The following PKNOX2 variants were observed in gnomAD, a reference collection of about 807,000 sequenced individuals.
PKNOX2 encodes the protein PBX/knotted 1 homeobox 2, also known as homeobox protein PKNOX2.
In PKNOX2, 14 loss-of-function variants were observed where a neutral mutation model predicts 53.1. The ratio of observed to expected loss-of-function variants is 0.26; its 90% CI spans 0.17 to 0.41. The LOEUF (loss-of-function observed/expected upper bound fraction) is 0.41, where lower values mean the gene tolerates loss of function less well. PKNOX2 is among the 10% of genes least tolerant of loss of function. The pLI, the probability that PKNOX2 is intolerant of heterozygous loss-of-function variation, is 1.00. For missense variants in PKNOX2, 496 were observed against 602.8 expected (o/e 0.82, Z 1.85); for synonymous variants, 257 against 242.8 (o/e 1.06, Z -0.54).
At chr11:125,286,920 G>T (rs1946942477) in intron 2 of PKNOX2, among the ~76,000 whole-genome samples, 1 of 152,148 alleles carries the variant, frequency 6.6e-6, no homozygotes, top group African/African-American at 2.4e-5. Context: ...GGTTCTTCTT[G>T]GCCTTCTCAA....
intron 3 of PKNOX2, among the ~76,000 whole-genome samples, chr11:125,338,549 C>T (rs528509775): frequency 6.6e-6 from 1 of 152,288 alleles, no homozygotes; most frequent in Admixed American, 6.5e-5. Flanking sequence ...AGACATCTCA[C>T]ATGCAGCACC....
At chr11:125,380,329 A>C (rs538684997) in intron 5 of PKNOX2, among the ~76,000 whole-genome samples, 1 of 152,306 alleles carries the variant, frequency 6.6e-6, no homozygotes, top group Non-Finnish European at 1.5e-5. Context: ...ACGAGGCTCA[A>C]ACGCTCACTG....
intron 1 of PKNOX2, among the ~76,000 whole-genome samples, chr11:125,191,638 G>C (rs1291731640): frequency 6.6e-6 from 1 of 152,134 alleles, no homozygotes; most frequent in Admixed American, 6.5e-5. Flanking sequence ...GGGAAGTTGT[G>C]GTGGGGCGTG....
intron 2 of PKNOX2, among the ~76,000 whole-genome samples, chr11:125,278,959 G>A (rs2135836393): frequency 6.6e-6 from 1 of 152,302 alleles, no homozygotes; most frequent in East Asian, 1.9e-4. Flanking sequence ...GCTGGCGGAT[G>A]TCCGTTTTCC....
intron 10 of PKNOX2, among the ~76,000 whole-genome samples, chr11:125,423,539 G>A (rs531108647): frequency 6.2e-4 from 95 of 152,312 alleles, no homozygotes; most frequent in African/African-American, 2.2e-3. Context: ...CGAAGGCCCC[G>A]TGTTCGTTCA....
chr11:125,288,674 C>A (rs1947083555), intron 2 of PKNOX2, among the ~76,000 whole-genome samples: 1 of 152,204 alleles, frequency 6.6e-6, no homozygotes. Flanking sequence ...GTAGGAAGCA[C>A]TGCTGACCAC....
chr11:125,215,616 G>A (rs1013759830), intron 1 of PKNOX2, among the ~76,000 whole-genome samples: 5 of 152,048 alleles, frequency 3.3e-5, no homozygotes, highest in African/African-American at 9.7e-5. Flanking sequence ...GCCAGGCATA[G>A]TGGTGTGCAC....
At position 125,338,032 on chromosome 11, in the gene PKNOX2, G is replaced by C. The variant is rs571722344; in HGVS notation, c.-23+6107G>C. Among the ~76,000 whole-genome samples the C allele has an allele frequency of 2.9e-4, 44 of 152,288 alleles. No homozygotes were observed. In the South Asian group the frequency reaches 7.2e-3, roughly 25 times the overall value. ...TCATTTCCTGAGGAGTGAAGAAAAG[G>C]CTGAGGCTGGGTTTCAGGTCAGCCG... On this transcript the variant is annotated intron_variant, in intron 3 of 12. Transcript: ENST00000298282.
At chr11:125,218,938 C>T (rs1940842999) in intron 1 of PKNOX2, among the ~76,000 whole-genome samples, 1 of 152,154 alleles carries the variant, frequency 6.6e-6, no homozygotes, top group African/African-American at 2.4e-5. Flanking sequence ...GATCTTAGCT[C>T]TGTTTTCCAA....
intron 2 of PKNOX2, among the ~76,000 whole-genome samples, chr11:125,315,991 G>A (rs1949159903): frequency 6.6e-6 from 1 of 152,196 alleles, no homozygotes; most frequent in African/African-American, 2.4e-5. Flanking sequence ...CTGTCCTCAA[G>A]GAGGCTGCGC....
Position 125,339,914 on chromosome 11 carries a change from C to G in PKNOX2, c.-23+7989C>G, listed in dbSNP as rs550679187. On this transcript the variant is annotated intron_variant, in intron 3 of 12. Coordinates refer to ENST00000298282, the MANE Select transcript of PKNOX2 (RefSeq NM_001382323.2). ...TTCCTTCTCCTCCTAATTGAACACA[C>G]AGTCCAATGAGTCCACGATGAAGAC... Among the ~76,000 whole-genome samples the G allele has an allele frequency of 2.0e-5, 3 of 152,332 alleles. No homozygotes were observed. The South Asian group carries it at 6.2e-4, about 32-fold the overall frequency.
intron 10 of PKNOX2, among the ~76,000 whole-genome samples, chr11:125,425,921 G>T (rs59848365): frequency 0.88 from 133,505 of 151,810 alleles, 58,983 homozygotes; most frequent in East Asian, 1. Flanking sequence ...GATACTGGAC[G>T]TCCAGGAGGG....
intron 2 of PKNOX2, among the ~76,000 whole-genome samples, chr11:125,317,373 T>G (rs1299357476): frequency 6.6e-6 from 1 of 152,228 alleles, no homozygotes; most frequent in Non-Finnish European, 1.5e-5. Flanking sequence ...AGTTTTTAAT[T>G]TTCTTTTCTC....
chr11:125,172,192 A>G (rs1955374521), intron 1 of PKNOX2, among the ~76,000 whole-genome samples: 1 of 152,200 alleles, frequency 6.6e-6, no homozygotes, highest in South Asian at 2.1e-4. Context: ...TACCTATCCC[A>G]GGTGGCCAGA....
chr11:125,303,049 C>G (rs928397496), intron 2 of PKNOX2, among the ~76,000 whole-genome samples: 9 of 152,086 alleles, frequency 5.9e-5, no homozygotes, highest in Non-Finnish European at 1.3e-4. Flanking sequence ...TCCTCCATGT[C>G]CCCAGGAGCT....
At chr11:125,282,512 T>G (rs1053871076) in intron 2 of PKNOX2, among the ~76,000 whole-genome samples, 1 of 152,214 alleles carries the variant, frequency 6.6e-6, no homozygotes. Context: ...GGTTTCTGAT[T>G]CAATAGGTCT....
At chr11:125,235,963 A>G (rs1942640493) in intron 2 of PKNOX2, among the ~76,000 whole-genome samples, 1 of 152,200 alleles carries the variant, frequency 6.6e-6, no homozygotes, top group Non-Finnish European at 1.5e-5. Context: ...CTGGGCAGGC[A>G]TAGTTTCCCC....
At chr11:125,421,836 A>T (rs576918770) in intron 10 of PKNOX2, among the ~76,000 whole-genome samples, 1 of 152,320 alleles carries the variant, frequency 6.6e-6, no homozygotes, top group South Asian at 2.1e-4. Flanking sequence ...TGCAAACCAC[A>T]TCCGGGGCCA....
At chr11:125,277,966 C>A (rs1591509692) in intron 2 of PKNOX2, among the ~76,000 whole-genome samples, 1 of 152,176 alleles carries the variant, frequency 6.6e-6, no homozygotes, top group East Asian at 1.9e-4. Context: ...CCTATAATCA[C>A]AACACTTTGG....
Sources: gnomAD v4.1 joint callset for allele counts (sites outside exome capture counted in the v4.1 genomes callset) on GRCh38, gnomAD v4.1.1 for gene constraint, MANE v1.5 for transcripts, NCBI Gene and HGNC (gene_info 2026-07-23, HGNC 2026-07-21) for gene names.